OVCH1: variants seen among roughly 807,000 people sequenced by gnomAD.
OVCH1 encodes the protein ovochymase 1, also known as ovochymase-1.
Under a neutral mutation model 138.4 loss-of-function variants are expected in OVCH1, and 139 were observed. That is an observed-to-expected ratio of 1.00 (90% CI 0.87 to 1.16). The LOEUF is 1.16. Ranked by LOEUF, OVCH1 falls within the 50% of genes most tolerant of loss-of-function variation. OVCH1 has a pLI of 0.00. For missense variants in OVCH1, 1,367 were observed against 1,357.9 expected (o/e 1.01, Z -0.11); for synonymous variants, 453 against 467.8 (o/e 0.97, Z 0.41).
In OVCH1 at chr12:29,416,974, TAAAAGGAATGAACTATC is replaced by T. The variant is rs1167615257; in HGVS notation, c.*72-4266_*72-4250del. 3.9e-5 allele frequency among the ~76,000 whole-genome samples: 6 copies of T among 152,294 alleles called. No homozygotes were observed. In the East Asian group the frequency reaches 5.8e-4, roughly 15 times the overall value. ...ATACCATGGAATGCTATTCATGTATTAAAAGGAATGAACTATCAAAAGGAAAGAACTATTGAACAAGC... is the reference window on the plus strand; with the variant it reads ...ATACCATGGAATGCTATTCATGTATTAAAAGGAAAGAACTATTGAACAAGC... On this transcript the variant is annotated intron_variant and NMD_transcript_variant, in intron 3 of 4. Transcript: ENST00000539117.
chr12:29,406,082 C>T, the OVCH1 span, among the ~76,000 whole-genome samples: 1 of 152,076 alleles, frequency 6.6e-6, no homozygotes, highest in Non-Finnish European at 1.5e-5. Context: ...TGGCTGATAC[C>T]TTCAAGTATG....
chr12:29,464,625 T>C (rs1319190025), exon 18 of OVCH1: 1 of 1,613,402 alleles, frequency 6.2e-7, no homozygotes, highest in East Asian at 2.2e-5. Context: ...GAGAGCTTAG[T>C]TGTATTAGGG....
At chr12:29,411,022 T>G (rs1416207857), downstream of OVCH1, among the ~76,000 whole-genome samples, 5 of 150,774 alleles carry the variant, frequency 3.3e-5, no homozygotes, top group South Asian at 6.4e-4. Context: ...TTCTTTTTTC[T>G]CTAAACTTCC....
At chr12:29,487,123 G>C (rs1478767125) in intron 7 of OVCH1, 2 of 223,826 alleles carry the variant, frequency 8.9e-6, no homozygotes, top group African/African-American at 4.6e-5. Flanking sequence ...TCTGGGTCTT[G>C]TCATTTTAAA....
Position 29,476,877 on chromosome 12 carries a change from A to G in OVCH1, c.1377+225T>C, listed in dbSNP as rs116411048. ...ATCAGTGTTTGCCTCCAGGGGTAGA[A>G]TGGGAATCTGATGAGGAGCCTTACT... On this transcript the variant is annotated intron_variant, in intron 12 of 27. Coordinates refer to ENST00000318184, the Ensembl canonical transcript of OVCH1. Among the ~76,000 whole-genome samples, 592 of 152,040 alleles carry G rather than the reference A, an allele frequency of 3.9e-3. 4 individuals carry two copies. The highest frequency in any genetic ancestry group is 0.012 in the African/African-American group (516 of 41,440).
intron 16 of OVCH1, among the ~76,000 whole-genome samples, chr12:29,470,311 A>G (rs1942459248): frequency 6.6e-6 from 1 of 152,128 alleles, no homozygotes; most frequent in Non-Finnish European, 1.5e-5. Context: ...GGTTTGCTGC[A>G]CTTATCAACC....
At chr12:29,496,053 TG>T in intron 3 of OVCH1, 127 bp downstream of exon 3, 1 of 746,936 alleles carries the variant, frequency 1.3e-6, no homozygotes, top group Non-Finnish European at 2.2e-6. Context: ...GGAAGATCAG[TG>T]GGTGGGTACA....
chr12:29,431,430 G>A (rs1261923844), intron 27 of OVCH1, among the ~76,000 whole-genome samples: 1 of 151,684 alleles, frequency 6.6e-6, no homozygotes, highest in Non-Finnish European at 1.5e-5. Context: ...GCAAGACCCT[G>A]TCTCAAAAAA....
At chr12:29,474,104 C>T (rs996559521) in intron 14 of OVCH1, among the ~76,000 whole-genome samples, 23 of 142,732 alleles carry the variant, frequency 1.6e-4, no homozygotes, top group South Asian at 1.1e-3. Context: ...CACACACACA[C>T]ATATATATAT....
intron 24 of OVCH1, among the ~76,000 whole-genome samples, 166 bp downstream of exon 24, chr12:29,443,979 T>C (rs1941551402): frequency 6.6e-6 from 1 of 152,112 alleles, no homozygotes; most frequent in Admixed American, 6.6e-5. Flanking sequence ...TTATATTGTT[T>C]TGTTTTGTTT....
chr12:29,444,232 T>A, exon 24 of OVCH1: 1 of 1,612,396 alleles, frequency 6.2e-7, no homozygotes, highest in South Asian at 1.1e-5. Flanking sequence ...GACCAAGTGC[T>A]CTCTGTTTGA....
intron 7 of OVCH1, 43 bp from the exon 8 acceptor site, chr12:29,486,391 C>A: frequency 2.1e-6 from 3 of 1,400,288 alleles, no homozygotes; most frequent in South Asian, 2.5e-5. Flanking sequence ...CAATAATAAT[C>A]ATTTAAATAA....
intron 4 of OVCH1, 44 bp from the exon 5 acceptor site, chr12:29,491,236 A>C: frequency 6.9e-7 from 1 of 1,442,798 alleles, no homozygotes; most frequent in Non-Finnish European, 9.7e-7. Context: ...TAAATACGCC[A>C]TGTTGAATAT....
chr12:29,447,591 T>G (rs1467543614), intron 22 of OVCH1, among the ~76,000 whole-genome samples: 1 of 152,170 alleles, frequency 6.6e-6, no homozygotes, highest in Non-Finnish European at 1.5e-5. Context: ...TCATGAAGCT[T>G]TCATTTTAGT....
At chr12:29,497,489 C>T in intron 1 of OVCH1, 134 bp downstream of exon 1, 1 of 1,034,878 alleles carries the variant, frequency 9.7e-7, no homozygotes, top group Non-Finnish European at 1.4e-6. Context: ...GCACCACCCC[C>T]TCACCCTTTC....
rs1942657422 is a variant in OVCH1 at position 29,475,095 on chromosome 12, T to C, written c.1566A>G (p.Gln522=). ...AAATGGTAAATCTGGCCTTGAAGCC[T>C]TGTAAACGATTTTTACCATCACTTT... The change falls in exon 14 of 28, where the codon CAA becomes CAG. Residue 522 remains glutamine, a synonymous_variant. Transcript: ENST00000318184. The C allele has an allele frequency of 4.4e-6, 7 of 1,580,902 alleles. No individual in the cohort carries two copies. In the East Asian group the frequency reaches 1.6e-4, roughly 36 times the overall value.
intron 4 of OVCH1, among the ~76,000 whole-genome samples, 180 bp from the exon 5 acceptor site, chr12:29,491,372 A>G (rs536865827): frequency 2.6e-5 from 4 of 152,336 alleles, no homozygotes; most frequent in South Asian, 4.1e-4. Flanking sequence ...ATTTTGAGAA[A>G]TGCAGAAAAA....
chr12:29,459,383 C>G (rs1184125121), intron 19 of OVCH1, among the ~76,000 whole-genome samples: 2 of 152,032 alleles, frequency 1.3e-5, no homozygotes, highest in Non-Finnish European at 2.9e-5. Flanking sequence ...AAGCCAGGCA[C>G]AGAAAGACAA....
chr12:29,485,333 A>C (rs1366251274), intron 8 of OVCH1, among the ~76,000 whole-genome samples: 1 of 151,086 alleles, frequency 6.6e-6, no homozygotes, highest in East Asian at 1.9e-4. Context: ...AAAAAAAAAA[A>C]AAAAAAAAGA....
Sources: gnomAD v4.1 joint callset for allele counts (sites outside exome capture counted in the v4.1 genomes callset) on GRCh38, gnomAD v4.1.1 for gene constraint, MANE v1.5 for transcripts, NCBI Gene and HGNC (gene_info 2026-07-23, HGNC 2026-07-21) for gene names.